CXADR: variants seen among roughly 807,000 people sequenced by gnomAD.
CXADR encodes the protein coxsackievirus and adenovirus receptor.
A neutral mutation model predicts 40.3 loss-of-function variants in CXADR; 20 were observed. The ratio of observed to expected loss-of-function variants is 0.50; its 90% CI spans 0.35 to 0.72. The LOEUF is 0.72. CXADR is among the 30% of genes least tolerant of loss of function. CXADR has a pLI of 0.01. For synonymous variants in CXADR, 150 were observed against 161.3 expected, an observed-to-expected ratio of 0.93 and a Z score of 0.53; for missense variants, 332 against 449.1, an observed-to-expected ratio of 0.74 and a Z score of 2.36.
At chr21:17,517,722 A>C (rs993399448) in intron 1 of CXADR, among the ~76,000 whole-genome samples, 1 of 152,222 alleles carries the variant, frequency 6.6e-6, no homozygotes, top group Non-Finnish European at 1.5e-5. Context: ...ACAAAATCTT[A>C]CAAAAGGTGG....
intron 1 of CXADR, among the ~76,000 whole-genome samples, chr21:17,519,270 G>C (rs1198809790): frequency 2.6e-5 from 4 of 152,156 alleles, no homozygotes; most frequent in African/African-American, 4.8e-5. Flanking sequence ...TGGTCTTGTG[G>C]CTCCTGGCAG....
At chr21:17,593,888 TTAATAA>T (rs1405471603), downstream of CXADR, 5 of 641,518 alleles carry the variant, frequency 7.8e-6, no homozygotes, top group African/African-American at 9.4e-5. Context: ...TTGACTAACT[TTAATAA>T]AATTTCTCAA....
intron 7 of CXADR, among the ~76,000 whole-genome samples, chr21:17,582,059 T>C (rs2061364730): frequency 6.6e-6 from 1 of 151,606 alleles, no homozygotes. Flanking sequence ...TCTCCTTGTC[T>C]CAGCCTCCTG....
In CXADR at chr21:17,561,494, G is replaced by T. The variant is rs1376145221; in HGVS notation, c.833+18G>T. The T allele has an allele frequency of 1.3e-6, 2 of 1,598,252 alleles. No homozygotes were observed. The highest frequency in any genetic ancestry group is 1.4e-5 in the African/African-American group (1 of 74,064). ...GATATCAGGTAATTAAGTGAGACAGGAGTTGACTGATGTATACCAAATATA... is the reference window on the plus strand; with the variant it reads ...GATATCAGGTAATTAAGTGAGACAGTAGTTGACTGATGTATACCAAATATA... On this transcript the variant is annotated intron_variant, in intron 6 of 6. Coordinates refer to ENST00000284878, the MANE Select transcript of CXADR (RefSeq NM_001338.5).
chr21:17,513,485 C>A (rs774604977), intron 1 of CXADR, among the ~76,000 whole-genome samples: 12 of 152,212 alleles, frequency 7.9e-5, no homozygotes, highest in Non-Finnish European at 1.6e-4. Context: ...CATTCTCTGC[C>A]CCGGTGCGGG....
chr21:17,610,140 G>A, the CXADR span, among the ~76,000 whole-genome samples: 1 of 152,194 alleles, frequency 6.6e-6, no homozygotes, highest in Admixed American at 6.5e-5. Context: ...TATATAGACA[G>A]AAGACAGATT....
chr21:17,595,390 CTT>C (rs994762989), downstream of CXADR, among the ~76,000 whole-genome samples: 2 of 152,068 alleles, frequency 1.3e-5, no homozygotes, highest in South Asian at 4.1e-4. Context: ...GAAAGTCCCT[CTT>C]TTTTTATCTC....
chr21:17,609,032 A>T, the CXADR span: 1 of 1,613,860 alleles, frequency 6.2e-7, no homozygotes, highest in Non-Finnish European at 8.5e-7. Flanking sequence ...TTTTTCTTGA[A>T]GTATTAGGGT....
chr21:17,547,169 T>A lies in CXADR; in HGVS notation c.186T>A (p.Ala62=). The change falls in exon 2 of 7, where the codon GCT becomes GCA. Residue 62 remains alanine, a synonymous_variant. Coordinates refer to ENST00000284878, the MANE Select transcript of CXADR (RefSeq NM_001338.5). ...PLDIEWLISP[A]DNQKVDQVII... is the part of the protein sequence containing the mutation. Reference sequence around the variant, plus strand: ...ACATCGAGTGGCTGATATCACCAGCTGATAATCAGAAGGTGGATCAAGTGG... The same window carrying A: ...ACATCGAGTGGCTGATATCACCAGCAGATAATCAGAAGGTGGATCAAGTGG... The A allele has an allele frequency of 3.1e-6, 5 of 1,614,204 alleles. No homozygotes were observed. The highest frequency in any genetic ancestry group is 4.2e-6 in the Non-Finnish European group (5 of 1,180,032).
At chr21:17,612,843 C>A in the CXADR span, 2 of 152,116 alleles carry the variant, frequency 1.3e-5, no homozygotes, top group Admixed American at 1.3e-4. Flanking sequence ...GCTCCCGCGT[C>A]GTCGGGCGGC....
Position 17,547,010 on chromosome 21 carries a change from T to C in CXADR, c.44-17T>C. ...CGTATAGCAAATGCTTAGTCCCTTGTACATTTCTTTCTCTAGATTTCGCCA... is the reference window on the plus strand; with the variant it reads ...CGTATAGCAAATGCTTAGTCCCTTGCACATTTCTTTCTCTAGATTTCGCCA... On this transcript the variant is annotated splice_polypyrimidine_tract_variant and intron_variant, in intron 1 of 6. Coordinates refer to ENST00000284878, the MANE Select transcript of CXADR (RefSeq NM_001338.5). The C allele has an allele frequency of 7.4e-6, 12 of 1,611,840 alleles. No homozygotes were observed. The highest frequency in any genetic ancestry group is 1.0e-5 in the Non-Finnish European group (12 of 1,179,694).
chr21:17,530,898 G>A (rs971913069), intron 1 of CXADR, among the ~76,000 whole-genome samples: 3 of 152,182 alleles, frequency 2.0e-5, no homozygotes, highest in African/African-American at 7.2e-5. Flanking sequence ...CCTATCAATG[G>A]AATTTCTGAG....
the CXADR span, among the ~76,000 whole-genome samples, chr21:17,608,065 A>C: frequency 6.6e-6 from 1 of 152,216 alleles, no homozygotes; most frequent in Non-Finnish European, 1.5e-5. Context: ...TGTAGACCTG[A>C]GTTCAAATCC....
intron 7 of CXADR, among the ~76,000 whole-genome samples, chr21:17,591,288 G>T (rs2061432793): frequency 6.6e-6 from 1 of 151,902 alleles, no homozygotes; most frequent in Non-Finnish European, 1.5e-5. Flanking sequence ...TACCCCCTGA[G>T]GCTGTGATGA....
At chr21:17,627,497 G>A in the CXADR span, among the ~76,000 whole-genome samples, 2,489 of 151,944 alleles carry the variant, frequency 0.016, 65 homozygotes, top group African/African-American at 0.057. Context: ...GTGAGGCTGC[G>A]TGTGGCACCT....
At chr21:17,597,618 GT>G (rs995071821), downstream of CXADR, among the ~76,000 whole-genome samples, 3 of 151,804 alleles carry the variant, frequency 2.0e-5, no homozygotes, top group African/African-American at 4.8e-5. Flanking sequence ...ATAAAGCCAG[GT>G]ACATGTTATA....
At chr21:17,573,622 T>G (rs1379770167), downstream of CXADR, among the ~76,000 whole-genome samples, 1 of 152,148 alleles carries the variant, frequency 6.6e-6, no homozygotes, top group Non-Finnish European at 1.5e-5. Flanking sequence ...TTGAAACGGT[T>G]ATGAGGCTGG....
Position 17,565,610 on chromosome 21 carries a change from A to C in CXADR, c.1016A>C (p.Lys339Thr). 1 of 1,612,792 alleles carries C rather than the reference A, an allele frequency of 6.2e-7. No individual in the cohort carries two copies. The highest frequency in any genetic ancestry group is 8.5e-7 in the Non-Finnish European group (1 of 1,179,854). ...CAGAGTCCGACTCTCCCACCTGCTA[A>C]GGTAGCTGCCCCTAATCTAAGTCGA... ...TPQSPTLPPA[K>T]VAAPNLSRMG... Residue 339 changes from lysine to threonine, a missense_variant, in exon 7 of 7, where the codon AAG becomes ACG. This residue lies in a region of CXADR where 150 missense variants were observed against 194.2 expected (regional missense o/e 0.77). Coordinates refer to ENST00000284878, the MANE Select transcript of CXADR (RefSeq NM_001338.5).
In CXADR at chr21:17,569,681, A is replaced by C; in HGVS notation, c.*3989A>C. On this transcript the variant is annotated 3_prime_UTR_variant, in exon 7 of 7. Transcript: ENST00000284878. ...AGATAACCCCAGCCTCTTATTCATTATGGTTAACTTTTATAATTTATCTTA... is the reference window on the plus strand; with the variant it reads ...AGATAACCCCAGCCTCTTATTCATTCTGGTTAACTTTTATAATTTATCTTA... The C allele has an allele frequency of 1.0e-6, 1 of 969,050 alleles. No homozygotes were observed. The highest frequency in any genetic ancestry group is 1.2e-6 in the Non-Finnish European group (1 of 815,170). 60.0% of individuals were successfully genotyped at this position (969,050 alleles called of 1,614,324 possible). A position where few individuals can be genotyped will look rare whatever the true frequency, so the allele number is the denominator to read the frequency against.
Sources: gnomAD v4.1 joint callset for allele counts (sites outside exome capture counted in the v4.1 genomes callset) on GRCh38, gnomAD v4.1.1 for gene constraint, gnomAD v4.1.1 regional missense constraint, MANE v1.5 for transcripts, NCBI Gene and HGNC (gene_info 2026-07-23, HGNC 2026-07-21) for gene names.